The following ROBO2 variants were observed in gnomAD, a reference collection of about 807,000 sequenced individuals.
ROBO2 encodes roundabout homolog 2.
ROBO2 carries 53 observed loss-of-function variants against 160.8 expected under a neutral mutation model. The observed-to-expected ratio is 0.33, with a 90% CI of 0.26 to 0.41. The LOEUF (loss-of-function observed/expected upper bound fraction) is 0.41. ROBO2 is among the 10% of genes least tolerant of loss of function. The pLI, the probability that ROBO2 is intolerant of heterozygous loss-of-function variation, is 1.00. For synonymous variants in ROBO2, 664 were observed against 611.7 expected, an observed-to-expected ratio of 1.09 and a Z score of -1.26; for missense variants, 1,577 against 1,722.4, an observed-to-expected ratio of 0.92 and a Z score of 1.49.
intron 2 of ROBO2, among the ~76,000 whole-genome samples, chr3:77,329,507 A>G (rs1323251891): frequency 6.6e-6 from 1 of 152,210 alleles, no homozygotes; most frequent in Non-Finnish European, 1.5e-5. Flanking sequence ...CCATTTATGA[A>G]ACATAAGCAT....
At chr3:76,857,270 C>G (rs916308698) in intron 2 of ROBO2, among the ~76,000 whole-genome samples, 2 of 152,158 alleles carry the variant, frequency 1.3e-5, no homozygotes, top group Non-Finnish European at 2.9e-5. Flanking sequence ...CAGGTGTGAG[C>G]GAATGCATGT....
At position 76,199,771 on chromosome 3, in the gene ROBO2, T is replaced by A. The variant is rs571392622; in HGVS notation, c.109+262169T>A. On this transcript the variant is annotated intron_variant, in intron 2 of 26. Transcript: ENST00000487694. ...AACCAGAGAAAGCCAAATATGCGTC[T>A]CAACTCGAACAGATAAAATGCCCCA... Among the ~76,000 whole-genome samples the A allele has an allele frequency of 5.3e-5, 8 of 152,290 alleles. No individual in the cohort carries two copies. The South Asian group carries it at 1.7e-3, about 32-fold the overall frequency.
At chr3:77,123,089 C>T (rs553763013) in intron 2 of ROBO2, among the ~76,000 whole-genome samples, 1 of 152,068 alleles carries the variant, frequency 6.6e-6, no homozygotes, top group Non-Finnish European at 1.5e-5. Flanking sequence ...AGCAGTTTGC[C>T]AATAAAGATA....
intron 2 of ROBO2, among the ~76,000 whole-genome samples, chr3:77,134,844 C>G (rs992447670): frequency 1.3e-5 from 2 of 152,198 alleles, no homozygotes; most frequent in Non-Finnish European, 2.9e-5. Flanking sequence ...ACTCATAACC[C>G]TTAATAAGTC....
chr3:75,949,651 C>T (rs184593580), intron 2 of ROBO2, among the ~76,000 whole-genome samples: 16 of 152,108 alleles, frequency 1.1e-4, no homozygotes, highest in African/African-American at 3.6e-4. Flanking sequence ...GCTGCCTTCT[C>T]ACTAAAGTAG....
At chr3:76,723,160 T>C (rs1464173697) in intron 2 of ROBO2, among the ~76,000 whole-genome samples, 2 of 152,150 alleles carry the variant, frequency 1.3e-5, no homozygotes, top group African/African-American at 2.4e-5. Context: ...ATTAACATTT[T>C]ACTTGTCAGA....
intron 2 of ROBO2, among the ~76,000 whole-genome samples, chr3:76,113,133 A>G (rs1270321879): frequency 1.3e-5 from 2 of 152,078 alleles, no homozygotes; most frequent in Non-Finnish European, 2.9e-5. Context: ...ATGAGAAATA[A>G]AAAATTTTGT....
At chr3:76,807,967 T>G (rs1475128667) in intron 2 of ROBO2, among the ~76,000 whole-genome samples, 1 of 151,980 alleles carries the variant, frequency 6.6e-6, no homozygotes, top group Non-Finnish European at 1.5e-5. Flanking sequence ...ACAAAAAATA[T>G]GTAGGCAGTT....
intron 2 of ROBO2, among the ~76,000 whole-genome samples, chr3:77,416,244 G>C (rs1451487954): frequency 1.3e-5 from 2 of 152,324 alleles, no homozygotes; most frequent in South Asian, 2.1e-4. Flanking sequence ...ATGAGAGAGT[G>C]CATGCTGATT....
intron 2 of ROBO2, among the ~76,000 whole-genome samples, chr3:76,312,984 T>C (rs1322971711): frequency 6.6e-6 from 1 of 152,234 alleles, no homozygotes; most frequent in African/African-American, 2.4e-5. Context: ...GTTTCCTCTT[T>C]GAACATATGA....
In ROBO2 at chr3:76,457,891, G is replaced by A. The variant is rs148097214; in HGVS notation, c.109+520289G>A. On this transcript the variant is annotated intron_variant, in intron 2 of 26. Transcript: ENST00000487694. The stretch of plus-strand genomic sequence containing the variant: ...GGCCCCTTTCAGCCATGGTTGGTTG[G>A]GGCGACTGGGACACAGGGTACCAAG... 3.7e-3 allele frequency among the ~76,000 whole-genome samples: 563 copies of A among 152,192 alleles called. 4 individuals carry two copies. Among genetic ancestry groups the A allele is most frequent in the African/African-American group, 0.013 (524 of 41,526 alleles).
chr3:76,772,532 A>C (rs1447383541), intron 2 of ROBO2, among the ~76,000 whole-genome samples: 1 of 100,546 alleles, frequency 9.9e-6, no homozygotes, highest in Admixed American at 9.8e-5. Context: ...TTTTTTTTTT[A>C]ATTTGAAAAT....
intron 2 of ROBO2, among the ~76,000 whole-genome samples, chr3:75,995,797 G>A (rs952141075): frequency 2.6e-5 from 4 of 152,216 alleles, no homozygotes; most frequent in Non-Finnish European, 4.4e-5. Flanking sequence ...GGCTGTGGAA[G>A]CCCACTTCTT....
intron 2 of ROBO2, among the ~76,000 whole-genome samples, chr3:76,863,635 A>G (rs1207959531): frequency 6.6e-6 from 1 of 152,008 alleles, no homozygotes; most frequent in Non-Finnish European, 1.5e-5. Context: ...TGTGAATTCC[A>G]TGGGAATTTG....
intron 1 of ROBO2, among the ~76,000 whole-genome samples, chr3:75,931,008 G>A (rs1947508708): frequency 6.6e-6 from 1 of 152,130 alleles, no homozygotes; most frequent in Non-Finnish European, 1.5e-5. Flanking sequence ...CCGCTTTTCT[G>A]GTGTACTTGG....
intron 2 of ROBO2, among the ~76,000 whole-genome samples, chr3:76,232,857 A>G (rs1161167363): frequency 6.6e-6 from 1 of 152,180 alleles, no homozygotes; most frequent in African/African-American, 2.4e-5. Context: ...CACTCTCAGT[A>G]TATAGCCCAG....
At chr3:77,235,804 A>T (rs1428076743) in intron 2 of ROBO2, among the ~76,000 whole-genome samples, 2 of 152,190 alleles carry the variant, frequency 1.3e-5, no homozygotes, top group African/African-American at 4.8e-5. Context: ...TTTACAGTGA[A>T]ATTGAGAAGG....
intron 2 of ROBO2, among the ~76,000 whole-genome samples, chr3:77,290,108 C>A (rs1457941829): frequency 2.0e-5 from 3 of 151,896 alleles, no homozygotes; most frequent in Admixed American, 1.3e-4. Flanking sequence ...TAAGCTGAGG[C>A]TAGATCACCA....
chr3:77,483,990 A>G (rs1227495921), intron 4 of ROBO2, among the ~76,000 whole-genome samples: 1 of 151,806 alleles, frequency 6.6e-6, no homozygotes, highest in Non-Finnish European at 1.5e-5. Flanking sequence ...TTAAAATTTC[A>G]GCATTATATA....
Sources: gnomAD v4.1 joint callset for allele counts (sites outside exome capture counted in the v4.1 genomes callset) on GRCh38, gnomAD v4.1.1 for gene constraint, MANE v1.5 for transcripts, NCBI Gene and HGNC (gene_info 2026-07-23, HGNC 2026-07-21) for gene names.